OSBPL10: variants seen among roughly 807,000 people sequenced by gnomAD.
OSBPL10 encodes the protein oxysterol-binding protein-related protein 10.
Under a neutral mutation model 81.7 loss-of-function variants are expected in OSBPL10, and 49 were observed. The observed-to-expected ratio is 0.60, with a 90% CI of 0.48 to 0.76. The LOEUF is 0.76. Ranked by LOEUF, OSBPL10 falls within the 30% of genes least tolerant of loss-of-function variation. The pLI is 0.00. For synonymous variants in OSBPL10, 419 were observed against 383.6 expected, an observed-to-expected ratio of 1.09 and a Z score of -1.08; for missense variants, 923 against 987.8, an observed-to-expected ratio of 0.93 and a Z score of 0.88.
At chr3:31,826,736 T>A (rs566062736) in intron 4 of OSBPL10, among the ~76,000 whole-genome samples, 2 of 152,342 alleles carry the variant, frequency 1.3e-5, no homozygotes, top group African/African-American at 4.8e-5. Flanking sequence ...CTGAAATTAA[T>A]AACTGCGGAA....
chr3:31,809,225 CAAT>C (rs1481028369), intron 4 of OSBPL10, among the ~76,000 whole-genome samples: 8 of 152,228 alleles, frequency 5.3e-5, no homozygotes, highest in African/African-American at 1.7e-4. Context: ...CTACAACAAA[CAAT>C]AAAAGAATAT....
intron 3 of OSBPL10, among the ~76,000 whole-genome samples, chr3:31,874,732 A>G (rs143961059): frequency 1.3e-5 from 2 of 152,320 alleles, no homozygotes; most frequent in African/African-American, 4.8e-5. Flanking sequence ...AGGGGGAAAC[A>G]AACTCTTACA....
At chr3:31,848,932 C>G (rs1464963317) in intron 3 of OSBPL10, among the ~76,000 whole-genome samples, 1 of 152,222 alleles carries the variant, frequency 6.6e-6, no homozygotes, top group African/African-American at 2.4e-5. Context: ...CCTTTCATTA[C>G]TTAGCAAAAA....
chr3:31,690,470 C>G (rs1359232208), intron 7 of OSBPL10, among the ~76,000 whole-genome samples: 2 of 152,084 alleles, frequency 1.3e-5, no homozygotes, highest in African/African-American at 4.8e-5. Context: ...CATTGTGCTA[C>G]TCTTGCAACT....
chr3:31,963,672 T>G (rs940476791), intron 1 of OSBPL10, among the ~76,000 whole-genome samples: 2 of 152,172 alleles, frequency 1.3e-5, no homozygotes, highest in African/African-American at 4.8e-5. Flanking sequence ...ATTCCTTCCC[T>G]TATTACTTAA....
chr3:31,989,296 A>G, intron 2 of OSBPL10: 1 of 1,614,206 alleles, frequency 6.2e-7, no homozygotes, highest in Non-Finnish European at 8.5e-7. Context: ...CATGATGAAG[A>G]AGTTCTCATC....
chr3:32,066,003 GAAAGAGAA>G lies in OSBPL10; in HGVS notation n.185+11385_185+11392del, dbSNP rs1244416849. On this transcript the variant is annotated intron_variant and non_coding_transcript_variant, in intron 1 of 3. Coordinates refer to the OSBPL10 transcript ENST00000479173. ...AGAAAGAAAGAAAGAAAGAAAGAAA[GAAAGAGAA>G]AGAAAGAAAGAAAGAGAGAGAGAGA... Among the ~76,000 whole-genome samples, 391 of 61,440 alleles carry G rather than the reference GAAAGAGAA, an allele frequency of 6.4e-3. 18 individuals are homozygous for G. The highest frequency in any genetic ancestry group is 0.013 in the African/African-American group (348 of 26,962). The allele number at this position is 61,440 out of a possible 152,430, so 40.3% of individuals were successfully genotyped here. A position where few individuals can be genotyped will look rare whatever the true frequency, so the allele number is the denominator to read the frequency against.
intron 1 of OSBPL10, among the ~76,000 whole-genome samples, chr3:31,965,603 A>ATT (rs1414578847): frequency 2.2e-4 from 12 of 53,396 alleles, no homozygotes; most frequent in African/African-American, 5.4e-4. Context: ...TATATTATAT[A>ATT]ATATATTATA....
chr3:31,769,470 C>CAAAAA (rs371765636), intron 4 of OSBPL10, among the ~76,000 whole-genome samples: 1 of 28,856 alleles, frequency 3.5e-5, no homozygotes, highest in African/African-American at 1.1e-4. Flanking sequence ...AAAAAAAAAA[C>CAAAAA]AAAAAAAAAC....
intron 1 of OSBPL10, among the ~76,000 whole-genome samples, chr3:31,880,245 A>G (rs918562885): frequency 6.6e-6 from 1 of 152,232 alleles, no homozygotes; most frequent in African/African-American, 2.4e-5. Context: ...ACACCCAGAG[A>G]GCAGCAGCAA....
intron 8 of OSBPL10, among the ~76,000 whole-genome samples, chr3:31,682,981 A>AG (rs1700691165): frequency 6.6e-6 from 1 of 152,222 alleles, no homozygotes; most frequent in South Asian, 2.1e-4. Context: ...AGAGAATCAC[A>AG]GCCTTAGAGC....
Position 31,922,825 on chromosome 3 carries a change from T to G in OSBPL10, c.282-42995A>C, listed in dbSNP as rs527469763. The stretch of plus-strand genomic sequence containing the variant: ...GGGGTGGGATTCTTCATCTCCACAC[T>G]GCACACCAATCTGGCCAAACCTGCC... On this transcript the variant is annotated intron_variant, in intron 1 of 11. Transcript: ENST00000396556. 1.3e-4 allele frequency among the ~76,000 whole-genome samples: 20 copies of G among 152,214 alleles called. No homozygotes were observed. In the East Asian group the frequency reaches 3.7e-3, roughly 28 times the overall value.
At chr3:31,934,209 T>C (rs1697324547) in intron 1 of OSBPL10, among the ~76,000 whole-genome samples, 1 of 151,492 alleles carries the variant, frequency 6.6e-6, no homozygotes, top group Non-Finnish European at 1.5e-5. Context: ...GTGATGCCTG[T>C]CTGTGGTAAC....
chr3:31,741,000 T>A (rs1697330804), intron 5 of OSBPL10, among the ~76,000 whole-genome samples: 1 of 152,120 alleles, frequency 6.6e-6, no homozygotes, highest in African/African-American at 2.4e-5. Context: ...ACACCAGTTT[T>A]AAGGGCAAAG....
chr3:31,911,350 A>T (rs1424879340), intron 1 of OSBPL10, among the ~76,000 whole-genome samples: 1 of 152,160 alleles, frequency 6.6e-6, no homozygotes, highest in Non-Finnish European at 1.5e-5. Context: ...GGGATGGTTA[A>T]TCTTAAAGCT....
chr3:32,007,335 T>G (rs1305654465), intron 2 of OSBPL10, among the ~76,000 whole-genome samples: 1 of 152,212 alleles, frequency 6.6e-6, no homozygotes, highest in Non-Finnish European at 1.5e-5. Flanking sequence ...CTGTGGCTGC[T>G]ATAACAAACT....
chr3:31,912,565 C>T (rs991761173), intron 1 of OSBPL10, among the ~76,000 whole-genome samples: 1 of 152,102 alleles, frequency 6.6e-6, no homozygotes, highest in Non-Finnish European at 1.5e-5. Flanking sequence ...GAAGCTCTCG[C>T]CCTCTTATAA....
intron 4 of OSBPL10, among the ~76,000 whole-genome samples, chr3:31,757,245 CAAGAT>C (rs1431384447): frequency 1.3e-5 from 2 of 152,080 alleles, no homozygotes; most frequent in Admixed American, 6.6e-5. Context: ...TAAAGGGAAT[CAAGAT>C]AAATAAGATC....
intron 3 of OSBPL10, among the ~76,000 whole-genome samples, chr3:31,856,239 T>G (rs1415505892): frequency 2.0e-5 from 3 of 152,076 alleles, no homozygotes; most frequent in Non-Finnish European, 4.4e-5. Flanking sequence ...GCAAAATTGT[T>G]GCACTTTATT....
Sources: gnomAD v4.1 joint callset for allele counts (sites outside exome capture counted in the v4.1 genomes callset) on GRCh38, gnomAD v4.1.1 for gene constraint, MANE v1.5 for transcripts, NCBI Gene and HGNC (gene_info 2026-07-23, HGNC 2026-07-21) for gene names.